The following PSMB1 variants were observed in gnomAD, a reference collection of about 807,000 sequenced individuals.
PSMB1 encodes the protein proteasome subunit beta type-1.
PSMB1 carries 7 observed loss-of-function variants against 25.4 expected under a neutral mutation model. That is an observed-to-expected ratio of 0.28 (90% CI 0.16 to 0.52). PSMB1 has a LOEUF of 0.52. Ranked by LOEUF, PSMB1 falls within the 20% of genes least tolerant of loss-of-function variation. PSMB1 has a pLI of 0.97. For synonymous variants in PSMB1, 119 were observed against 115.0 expected, an observed-to-expected ratio of 1.03 and a Z score of -0.22; for missense variants, 284 against 302.2, an observed-to-expected ratio of 0.94 and a Z score of 0.45.
chr6:170,537,575 C>A (rs1028035488), intron 4 of PSMB1, among the ~76,000 whole-genome samples: 2 of 152,116 alleles, frequency 1.3e-5, no homozygotes, highest in African/African-American at 4.8e-5. Flanking sequence ...AGCAGACAGC[C>A]CCAATCCCCG....
intron 4 of PSMB1, among the ~76,000 whole-genome samples, chr6:170,539,440 G>T (rs533479203): frequency 0.034 from 5,216 of 152,082 alleles, 300 homozygotes; most frequent in African/African-American, 0.12. Context: ...AAATCAGTAA[G>T]AAGAAAACTA....
intron 4 of PSMB1, among the ~76,000 whole-genome samples, chr6:170,542,722 G>A (rs1392121233): frequency 6.6e-6 from 1 of 152,134 alleles, no homozygotes; most frequent in Non-Finnish European, 1.5e-5. Context: ...AACTAGGTTC[G>A]GGGCAGTCCC....
chr6:170,547,163 T>C (rs1413540426), intron 2 of PSMB1, among the ~76,000 whole-genome samples: 1 of 152,220 alleles, frequency 6.6e-6, no homozygotes, highest in Non-Finnish European at 1.5e-5. Context: ...ACCTGTTAGA[T>C]GGGCAATTTG....
At chr6:170,540,891 C>T (rs1357756966) in intron 4 of PSMB1, among the ~76,000 whole-genome samples, 1 of 151,518 alleles carries the variant, frequency 6.6e-6, no homozygotes, top group Non-Finnish European at 1.5e-5. Context: ...AATAAAGTAC[C>T]GGGTCATAAT....
Position 170,553,113 on chromosome 6 carries a change from C to G in PSMB1, c.113+17G>C, listed in dbSNP as rs1462723136. 1 of 1,585,652 alleles carries G rather than the reference C, an allele frequency of 6.3e-7. No individual in the cohort carries two copies. Among genetic ancestry groups the G allele is most frequent in the Non-Finnish European group, 8.6e-7 (1 of 1,162,228 alleles). ...GGAAGGGCGAAAGTGAAAGCCGCAGCTCTCTGGGGTTTTTACCCTCCGTTG... is the reference window on the plus strand; with the variant it reads ...GGAAGGGCGAAAGTGAAAGCCGCAGGTCTCTGGGGTTTTTACCCTCCGTTG... On this transcript the variant is annotated intron_variant, in intron 1 of 5. Coordinates refer to ENST00000262193, the MANE Select transcript of PSMB1 (RefSeq NM_002793.4).
At chr6:170,543,806 T>A in intron 3 of PSMB1, 76 bp from the exon 4 acceptor site, 1 of 1,347,310 alleles carries the variant, frequency 7.4e-7, no homozygotes, top group Non-Finnish European at 9.9e-7. Flanking sequence ...CAGTATAAAG[T>A]GAATAAATAA....
intron 1 of PSMB1, chr6:170,549,739 T>C (rs1447343224): frequency 6.6e-6 from 1 of 152,204 alleles, no homozygotes; most frequent in African/African-American, 2.4e-5. Flanking sequence ...TATGAGACTG[T>C]GGGTAAGTTA....
At chr6:170,536,111 G>A (rs1041305928) in intron 5 of PSMB1, among the ~76,000 whole-genome samples, 4 of 152,102 alleles carry the variant, frequency 2.6e-5, no homozygotes, top group African/African-American at 9.7e-5. Flanking sequence ...GAATAACACC[G>A]TTTTCAACCA....
At chr6:170,541,623 GAT>G (rs1321272006) in intron 4 of PSMB1, among the ~76,000 whole-genome samples, 5 of 152,158 alleles carry the variant, frequency 3.3e-5, no homozygotes, top group African/African-American at 9.7e-5. Flanking sequence ...GGAAAAAAAA[GAT>G]AGAGGACTGC....
chr6:170,543,656 T>C lies in PSMB1; in HGVS notation c.378A>G (p.Ser126=), dbSNP rs766525525. 3 of 1,611,910 alleles carry C rather than the reference T, an allele frequency of 1.9e-6. No individual in the cohort carries two copies. Among genetic ancestry groups the C allele is most frequent in the East Asian group, 2.2e-5 (1 of 44,860 alleles). The change falls in exon 4 of 6, where the codon TCA becomes TCG. Residue 126 remains serine (S), a synonymous_variant. Transcript: ENST00000262193. The part of the protein sequence containing the change: ...IAAMLSTILY[S]RRFFPYYVYN... ...AAACATAGTATGGAAAGAAGCGCCT[T>C]GAATACAGGATTGTAGACAGCATTG... is the stretch of plus-strand genomic sequence containing the variant.
intron 3 of PSMB1, 25 bp from the exon 4 acceptor site, chr6:170,543,755 G>A: frequency 6.3e-7 from 1 of 1,592,530 alleles, no homozygotes; most frequent in South Asian, 1.1e-5. Flanking sequence ...AAAAGTCACA[G>A]GCATGTAGAG....
At chr6:170,544,644 GTGAGC>G (rs2114978796) in intron 3 of PSMB1, among the ~76,000 whole-genome samples, 1 of 152,254 alleles carries the variant, frequency 6.6e-6, no homozygotes, top group East Asian at 1.9e-4. Flanking sequence ...GAAGGCTACA[GTGAGC>G]TACAATGGCG....
At chr6:170,544,677 G>A (rs939967909) in intron 3 of PSMB1, among the ~76,000 whole-genome samples, 5 of 152,118 alleles carry the variant, frequency 3.3e-5, no homozygotes, top group African/African-American at 1.2e-4. Flanking sequence ...ACTCCAGCCT[G>A]TGCAACAAAG....
intron 4 of PSMB1, among the ~76,000 whole-genome samples, chr6:170,541,046 A>T (rs977376079): frequency 6.6e-6 from 1 of 152,208 alleles, no homozygotes; most frequent in Non-Finnish European, 1.5e-5. Context: ...AAGATCCTAA[A>T]AGCAAAGTCT....
intron 1 of PSMB1, among the ~76,000 whole-genome samples, chr6:170,552,373 G>A (rs1471957517): frequency 6.6e-6 from 1 of 152,128 alleles, no homozygotes; most frequent in Non-Finnish European, 1.5e-5. Context: ...CTAAATCTCT[G>A]GCGTGCCACC....
At chr6:170,543,572 C>T (rs746590058) in intron 4 of PSMB1, 29 bp downstream of exon 4, 15 of 1,576,884 alleles carry the variant, frequency 9.5e-6, no homozygotes, top group Admixed American at 1.7e-5. Flanking sequence ...TCCTCCCCCC[C>T]ACCATTTTCC....
rs115280226 is a variant in PSMB1 at position 170,536,233 on chromosome 6, T to C, written c.541-828A>G. On this transcript the variant is annotated intron_variant, in intron 5 of 5. Coordinates refer to ENST00000262193, the MANE Select transcript of PSMB1 (RefSeq NM_002793.4). Reference sequence around the variant, plus strand: ...AAGTAGCCTAAAAATACCTTAAAAATTAAGAGAAAGGTATGCCACAAATGT... The same window carrying C: ...AAGTAGCCTAAAAATACCTTAAAAACTAAGAGAAAGGTATGCCACAAATGT... 2.7e-3 allele frequency: 951 copies of C among 347,700 alleles called. 9 individuals are homozygous for C. The highest frequency in any genetic ancestry group is 0.018 in the African/African-American group (847 of 46,654). The allele number at this position is 347,700 out of a possible 1,614,324, so 21.5% of individuals were successfully genotyped here.
chr6:170,551,037 C>T (rs1335974849), intron 1 of PSMB1, among the ~76,000 whole-genome samples: 2 of 151,738 alleles, frequency 1.3e-5, no homozygotes, highest in Admixed American at 6.6e-5. Flanking sequence ...CCCAGCTACT[C>T]GGGAGGCTGA....
intron 4 of PSMB1, among the ~76,000 whole-genome samples, chr6:170,542,615 A>C (rs1778770514): frequency 6.6e-6 from 1 of 152,026 alleles, no homozygotes; most frequent in African/African-American, 2.4e-5. Context: ...CAACTCCCTC[A>C]CCTTGGACAC....
Sources: gnomAD v4.1 joint callset for allele counts (sites outside exome capture counted in the v4.1 genomes callset) on GRCh38, gnomAD v4.1.1 for gene constraint, MANE v1.5 for transcripts, NCBI Gene and HGNC (gene_info 2026-07-23, HGNC 2026-07-21) for gene names.